Variants in CSMD1 observed in about 807,000 individuals in gnomAD.
CSMD1 encodes CUB and Sushi multiple domains 1.
Under a neutral mutation model 417.5 loss-of-function variants are expected in CSMD1, and 213 were observed. The observed-to-expected ratio is 0.51, with a 90% CI of 0.46 to 0.57. CSMD1 has a LOEUF of 0.57. Among genes scored for constraint, CSMD1 ranks in the 20% least tolerant of loss-of-function variants. The probability of loss-of-function intolerance (pLI) is 0.00; values close to 1 mark genes in which losing one functional copy is unlikely to be tolerated. For synonymous variants in CSMD1, 2,862 were observed against 1,736.8 expected (o/e 1.65, Z -16.11); for missense variants, 6,923 against 4,529.7 (o/e 1.53, Z -15.17).
At chr8:4,371,560 T>C (rs937351192) in intron 3 of CSMD1, among the ~76,000 whole-genome samples, 4 of 152,162 alleles carry the variant, frequency 2.6e-5, no homozygotes, top group Admixed American at 2.6e-4. Context: ...TAAAGCAATG[T>C]ATTATTTTTT....
chr8:3,680,970 CT>C (rs1398600731), intron 7 of CSMD1, among the ~76,000 whole-genome samples: 1 of 152,160 alleles, frequency 6.6e-6, no homozygotes, highest in Non-Finnish European at 1.5e-5. Context: ...CAGAAAAAGC[CT>C]TTGACAAAAT....
intron 3 of CSMD1, among the ~76,000 whole-genome samples, chr8:4,355,840 A>T (rs1801398778): frequency 6.6e-6 from 1 of 152,228 alleles, no homozygotes; most frequent in Non-Finnish European, 1.5e-5. Context: ...TCCAGGCCGA[A>T]AGTAGAGGAG....
intron 10 of CSMD1, among the ~76,000 whole-genome samples, chr8:3,560,066 T>C (rs1799404121): frequency 6.6e-6 from 1 of 152,124 alleles, no homozygotes; most frequent in Admixed American, 6.5e-5. Flanking sequence ...GATTTTTTTC[T>C]GGATCTGTTC....
intron 5 of CSMD1, among the ~76,000 whole-genome samples, chr8:3,949,370 C>T (rs1811450008): frequency 6.6e-6 from 1 of 152,058 alleles, no homozygotes; most frequent in South Asian, 2.1e-4. Context: ...TCTCACAGTC[C>T]CTGGAAACAA....
At chr8:3,646,452 G>A (rs929083581) in intron 7 of CSMD1, among the ~76,000 whole-genome samples, 1 of 151,994 alleles carries the variant, frequency 6.6e-6, no homozygotes, top group African/African-American at 2.4e-5. Flanking sequence ...TGTAAATAAG[G>A]GAAAATCGCA....
chr8:4,224,003 C>T (rs1407630002), intron 3 of CSMD1, among the ~76,000 whole-genome samples: 3 of 152,102 alleles, frequency 2.0e-5, no homozygotes, highest in Admixed American at 1.3e-4. Flanking sequence ...TCTTTAAACC[C>T]AAACTCGTAT....
chr8:4,445,716 G>A (rs1482139304), intron 2 of CSMD1, among the ~76,000 whole-genome samples: 4 of 152,148 alleles, frequency 2.6e-5, no homozygotes, highest in African/African-American at 9.7e-5. Context: ...TTTCTATTTG[G>A]GGGCGTAACG....
At chr8:3,860,437 T>G (rs1040208150) in intron 5 of CSMD1, among the ~76,000 whole-genome samples, 8 of 152,172 alleles carry the variant, frequency 5.3e-5, no homozygotes, top group African/African-American at 1.9e-4. Context: ...CAATAAAACT[T>G]TTTTTTCCTA....
chr8:4,229,528 C>G (rs757430150), intron 3 of CSMD1, among the ~76,000 whole-genome samples: 5 of 152,062 alleles, frequency 3.3e-5, no homozygotes, highest in Non-Finnish European at 7.4e-5. Flanking sequence ...AGCTTTTTTC[C>G]TCTTATTTCT....
chr8:4,746,680 G>C (rs147275880), intron 1 of CSMD1, among the ~76,000 whole-genome samples: 2 of 152,150 alleles, frequency 1.3e-5, no homozygotes, highest in Admixed American at 6.5e-5. Flanking sequence ...TTATGCATCT[G>C]CTGCTGAGCA....
chr8:4,410,209 A>C (rs1403480325), intron 3 of CSMD1, among the ~76,000 whole-genome samples: 1 of 152,208 alleles, frequency 6.6e-6, no homozygotes, highest in African/African-American at 2.4e-5. Context: ...TGAACCAAAC[A>C]GTTTAGGTAA....
At chr8:4,395,967 G>A (rs922666568) in intron 3 of CSMD1, among the ~76,000 whole-genome samples, 1 of 152,092 alleles carries the variant, frequency 6.6e-6, no homozygotes, top group African/African-American at 2.4e-5. Flanking sequence ...ATTAACTTTA[G>A]ATAAATATAT....
chr8:3,761,993 C>A (rs1291217055), intron 5 of CSMD1, among the ~76,000 whole-genome samples: 2 of 152,106 alleles, frequency 1.3e-5, no homozygotes, highest in African/African-American at 2.4e-5. Flanking sequence ...GTGACATCAT[C>A]CACTCCTGCG....
intron 1 of CSMD1, among the ~76,000 whole-genome samples, chr8:4,756,155 G>A (rs1353449881): frequency 1.3e-5 from 2 of 152,074 alleles, no homozygotes; most frequent in Non-Finnish European, 2.9e-5. Flanking sequence ...TAAACTTTAT[G>A]AATTCTATAA....
At chr8:3,933,969 G>C (rs546589533) in intron 5 of CSMD1, among the ~76,000 whole-genome samples, 5 of 152,126 alleles carry the variant, frequency 3.3e-5, no homozygotes, top group East Asian at 3.9e-4. Context: ...CCACACAGTC[G>C]GGCTAGTGAA....
intron 5 of CSMD1, among the ~76,000 whole-genome samples, chr8:3,975,057 C>T (rs1295311071): frequency 6.6e-6 from 1 of 152,108 alleles, no homozygotes; most frequent in Non-Finnish European, 1.5e-5. Context: ...TGCTAATATA[C>T]ATCTGTACAC....
intron 3 of CSMD1, among the ~76,000 whole-genome samples, chr8:4,199,377 A>G (rs993554019): frequency 2.6e-5 from 4 of 152,184 alleles, no homozygotes; most frequent in Non-Finnish European, 5.9e-5. Flanking sequence ...ATAAAGATGC[A>G]TAGTGTGGTG....
intron 3 of CSMD1, among the ~76,000 whole-genome samples, chr8:4,090,920 T>C (rs556089701): frequency 1.2e-4 from 19 of 152,174 alleles, no homozygotes; most frequent in South Asian, 2.1e-4. Flanking sequence ...TCTTTTTTTT[T>C]TTTTCTTTTC....
At chr8:3,723,010 G>C (rs1484203366) in intron 6 of CSMD1, among the ~76,000 whole-genome samples, 1 of 152,186 alleles carries the variant, frequency 6.6e-6, no homozygotes, top group East Asian at 1.9e-4. Context: ...GTGAAGCTCA[G>C]CTGGGCCCTC....
Sources: allele counts gnomAD v4.1 joint callset (sites outside exome capture counted in the v4.1 genomes callset), GRCh38; gene constraint gnomAD v4.1.1; transcripts MANE v1.5; gene names NCBI Gene and HGNC (gene_info 2026-07-23, HGNC 2026-07-21).